The following CIB1 variants were observed in gnomAD, a reference collection of about 807,000 sequenced individuals.
CIB1 encodes the protein calcium and integrin binding 1, also known as calcium and integrin-binding protein 1.
CIB1 carries 19 observed loss-of-function variants against 25.0 expected under a neutral mutation model. The ratio of observed to expected loss-of-function variants is 0.76; its 90% CI spans 0.53 to 1.12. The LOEUF (loss-of-function observed/expected upper bound fraction) is 1.12, where lower values mean the gene tolerates loss of function less well. Ranked by LOEUF, CIB1 falls within the 50% of genes most tolerant of loss-of-function variation. CIB1 has a pLI of 0.00. For synonymous variants in CIB1, 104 were observed against 98.5 expected (o/e 1.06, Z -0.33); for missense variants, 236 against 242.6 (o/e 0.97, Z 0.18).
At chr15:90,251,110 C>T in the CIB1 span, among the ~76,000 whole-genome samples, 12 of 105,182 alleles carry the variant, frequency 1.1e-4, no homozygotes, top group African/African-American at 1.2e-4. Context: ...TCATCCTGGT[C>T]TGTCTTTTTT....
rs1440430470 is a variant in CIB1 at position 90,230,123 on chromosome 15, C to T, written c.*361G>A. Reference sequence around the variant, plus strand: ...CACACCCTCCCACGGGGACAGCCAGCGTGGGTGCGGCTTGACTTCCCGCTG... The same window carrying T: ...CACACCCTCCCACGGGGACAGCCAGTGTGGGTGCGGCTTGACTTCCCGCTG... On this transcript the variant is annotated 3_prime_UTR_variant, in exon 7 of 7. Coordinates refer to ENST00000328649, the MANE Select transcript of CIB1 (RefSeq NM_006384.4). 5.2e-5 allele frequency: 16 copies of T among 309,056 alleles called. No homozygotes were observed. The Admixed American group carries it at 5.2e-4, about 10-fold the overall frequency. 19.1% of individuals were successfully genotyped at this position (309,056 alleles called of 1,614,324 possible). A position where few individuals can be genotyped will look rare whatever the true frequency, so the allele number is the denominator to read the frequency against.
At chr15:90,240,311 C>T in the CIB1 span, among the ~76,000 whole-genome samples, 3 of 151,914 alleles carry the variant, frequency 2.0e-5, no homozygotes, top group East Asian at 1.9e-4. Flanking sequence ...AGTTCAAGAC[C>T]GGCCTGGCCA....
chr15:90,259,498 C>A, the CIB1 span, among the ~76,000 whole-genome samples: 1 of 152,162 alleles, frequency 6.6e-6, no homozygotes, highest in Non-Finnish European at 1.5e-5. Context: ...CTCTCTGGAG[C>A]CAATCAACAT....
Position 90,233,844 on chromosome 15 carries a change from G to T in CIB1, c.42C>A (p.Ala14=). Residue 14 remains alanine, a synonymous_variant, in exon 1 of 7, where the codon GCC becomes GCA. Transcript: ENST00000328649. ...CAGGCGTCCCGCGCACCTGGTACTCGGCCAGCAGCTCCTTGGACAGGCGAC... is the reference window on the plus strand; with the variant it reads ...CAGGCGTCCCGCGCACCTGGTACTCTGCCAGCAGCTCCTTGGACAGGCGAC... ...SGSRLSKELL[A]EYQDLTFLTK... 4 of 1,536,958 alleles carry T rather than the reference G, an allele frequency of 2.6e-6. No homozygotes were observed. The highest frequency in any genetic ancestry group is 1.2e-5 in the South Asian group (1 of 82,316).
the CIB1 span, chr15:90,251,019 T>C: frequency 9.0e-6 from 11 of 1,222,740 alleles, no homozygotes; most frequent in Non-Finnish European, 1.2e-5. Context: ...AATGCTGGAG[T>C]GTCATTAACC....
chr15:90,257,670 A>G, the CIB1 span: 1 of 1,614,174 alleles, frequency 6.2e-7, no homozygotes, highest in Middle Eastern at 1.7e-4. Flanking sequence ...CAACTATGCT[A>G]TCAACAAACA....
the CIB1 span, chr15:90,258,338 A>G: frequency 7.4e-7 from 1 of 1,351,466 alleles, no homozygotes; most frequent in Non-Finnish European, 1.1e-6. Context: ...CACCTGGGAC[A>G]GGGGTACACT....
upstream of CIB1, among the ~76,000 whole-genome samples, chr15:90,237,863 G>T (rs959771915): frequency 8.5e-5 from 13 of 152,172 alleles, no homozygotes; most frequent in South Asian, 1.5e-3. Context: ...GAGGTGGATG[G>T]ATTGCTTGAG....
the CIB1 span, among the ~76,000 whole-genome samples, chr15:90,256,540 T>C: frequency 1.3e-4 from 19 of 151,714 alleles, no homozygotes; most frequent in Admixed American, 7.2e-4. Context: ...CTCTGTCTCC[T>C]TCCTTTTTCT....
At chr15:90,254,578 C>T in the CIB1 span, among the ~76,000 whole-genome samples, 1 of 148,016 alleles carries the variant, frequency 6.8e-6, no homozygotes, top group African/African-American at 2.5e-5. Flanking sequence ...CGGTGGCTCT[C>T]GTGCCTGAAA....
the CIB1 span, chr15:90,253,235 C>T: frequency 6.8e-6 from 11 of 1,607,198 alleles, no homozygotes; most frequent in Admixed American, 1.7e-5. Flanking sequence ...CTACTGATCT[C>T]CCTGTCTCTG....
the CIB1 span, chr15:90,259,136 G>A: frequency 1.7e-6 from 2 of 1,203,596 alleles, no homozygotes; most frequent in Non-Finnish European, 2.2e-6. Context: ...GCTGAGGCAG[G>A]AGGATTGCTT....
the CIB1 span, among the ~76,000 whole-genome samples, chr15:90,247,006 C>T: frequency 6.7e-4 from 101 of 150,670 alleles, no homozygotes; most frequent in African/African-American, 2.3e-3. Context: ...GACGGAGTCT[C>T]ACTGTGTCAT....
rs4451921 is a variant in CIB1 at position 90,232,411 on chromosome 15, G to A, written c.87-84C>T. The A allele has an allele frequency of 0.15, 228,238 of 1,480,096 alleles. 20,421 individuals are homozygous for A. The highest frequency in any genetic ancestry group is 0.37 in the African/African-American group (26,407 of 71,104). 91.7% of individuals were successfully genotyped at this position (1,480,096 alleles called of 1,614,324 possible). On this transcript the variant is annotated intron_variant, in intron 2 of 6. Transcript: ENST00000328649. ...TCCCACTCCTTGCCTGCTGCTCATT[G>A]TCAACCAGGTGAGGAGCTAAAACCA...
In CIB1 at chr15:90,231,416, C is replaced by T; in HGVS notation, c.287G>A (p.Ser96Asn). ...TGGCGTGGCTGTGTCACTGAACACA[C>T]TGAGGAGATCCAGGAAGTCCTCAAA... ...LSFEDFLDLL[S>N]VFSDTATPDI... Residue 96 changes from serine to asparagine, a missense_variant, in exon 4 of 7, where the codon AGT (serine) becomes AAT (asparagine). Ser to Asn is a conservative substitution (Grantham distance 46). Coordinates refer to ENST00000328649, the MANE Select transcript of CIB1 (RefSeq NM_006384.4). 1 of 1,614,246 alleles carries T rather than the reference C, an allele frequency of 6.2e-7. No homozygotes were observed. The highest frequency in any genetic ancestry group is 8.5e-7 in the Non-Finnish European group (1 of 1,180,044).
the CIB1 span, chr15:90,241,804 A>G: frequency 1.9e-6 from 3 of 1,614,136 alleles, no homozygotes; most frequent in Non-Finnish European, 8.5e-7. Context: ...CCGCCGGGAA[A>G]GACATCACCT....
the CIB1 span, among the ~76,000 whole-genome samples, chr15:90,261,185 T>G: frequency 5.9e-5 from 9 of 151,360 alleles, no homozygotes; most frequent in Non-Finnish European, 8.8e-5. Flanking sequence ...TTCAAAAAAT[T>G]TTCCTGCCTC....
chr15:90,255,840 C>T, the CIB1 span: 1 of 1,614,186 alleles, frequency 6.2e-7, no homozygotes, highest in Non-Finnish European at 8.5e-7. Context: ...AAACTCTATC[C>T]CTCTGAGTAC....
Position 90,232,303 on chromosome 15 carries a change from C to G in CIB1, c.111G>C (p.Leu37=), listed in dbSNP as rs779092515. 1.2e-6 allele frequency: 2 copies of G among 1,610,614 alleles called. No individual in the cohort carries two copies. The highest frequency in any genetic ancestry group is 8.5e-7 in the Non-Finnish European group (1 of 1,177,586). The change falls in exon 3 of 7, where the codon CTG becomes CTC. Residue 37 remains leucine (L), a synonymous_variant. Coordinates refer to ENST00000328649, the MANE Select transcript of CIB1 (RefSeq NM_006384.4). The part of the protein sequence containing the change: ...ILLAHRRFCE[L]LPQEQRSVES... ...CCACGCTCCGCTGCTCCTGGGGAAG[C>G]AGCTCACAAAACCGCCTGTGGGCTC...
Sources: allele counts gnomAD v4.1 joint callset (sites outside exome capture counted in the v4.1 genomes callset), GRCh38; gene constraint gnomAD v4.1.1; transcripts MANE v1.5; gene names NCBI Gene and HGNC (gene_info 2026-07-23, HGNC 2026-07-21).